The following GRID2 variants were observed in gnomAD, a reference collection of about 807,000 sequenced individuals.
GRID2 encodes the protein glutamate receptor ionotropic, delta-2.
Under a neutral mutation model 114.8 loss-of-function variants are expected in GRID2, and 33 were observed. That is an observed-to-expected ratio of 0.29 (90% CI 0.22 to 0.38). GRID2 has a LOEUF of 0.38. Ranked by LOEUF, GRID2 falls within the 10% of genes least tolerant of loss-of-function variation. The pLI is 1.00. For missense variants in GRID2, 1,184 were observed against 1,257.7 expected (o/e 0.94, Z 0.89); for synonymous variants, 505 against 449.9 (o/e 1.12, Z -1.55).
At chr4:92,955,459 C>T (rs1445830761) in intron 2 of GRID2, among the ~76,000 whole-genome samples, 8 of 151,090 alleles carry the variant, frequency 5.3e-5, no homozygotes, top group South Asian at 2.1e-4. Flanking sequence ...TTTTTGATGG[C>T]GTTGTTTGTT....
intron 13 of GRID2, among the ~76,000 whole-genome samples, chr4:93,554,724 C>T (rs1413306579): frequency 1.3e-5 from 2 of 152,164 alleles, no homozygotes; most frequent in Admixed American, 1.3e-4. Flanking sequence ...GCCTCAGCCT[C>T]AGTTATGACT....
chr4:93,435,008 T>C (rs1367264830), intron 10 of GRID2, among the ~76,000 whole-genome samples: 1 of 152,162 alleles, frequency 6.6e-6, no homozygotes, highest in Non-Finnish European at 1.5e-5. Flanking sequence ...AGGACTGCCA[T>C]TGCCACCCTC....
At chr4:92,806,166 G>GACACACACACACACACACACACAC (rs56070810) in intron 2 of GRID2, among the ~76,000 whole-genome samples, 1 of 133,258 alleles carries the variant, frequency 7.5e-6, no homozygotes, top group African/African-American at 2.8e-5. Context: ...ATAGGCTATC[G>GACACACACACACACACACACACAC]ACACACACAC....
intron 2 of GRID2, among the ~76,000 whole-genome samples, chr4:92,784,678 T>C (rs1369167): frequency 2.0e-5 from 3 of 151,724 alleles, no homozygotes; most frequent in Non-Finnish European, 2.9e-5. Flanking sequence ...GACAGTCTTA[T>C]AGTACTTAGA....
intron 1 of GRID2, among the ~76,000 whole-genome samples, chr4:92,439,758 A>G (rs1852460): frequency 1.4e-5 from 2 of 146,102 alleles, no homozygotes; most frequent in Admixed American, 1.4e-4. Flanking sequence ...ATCTGATGAG[A>G]GAGTGCCTAA....
intron 2 of GRID2, among the ~76,000 whole-genome samples, chr4:92,704,725 C>CTG (rs1418489260): frequency 7.5e-6 from 1 of 133,186 alleles, no homozygotes; most frequent in Non-Finnish European, 1.6e-5. Flanking sequence ...CTCTCTCTTT[C>CTG]TCTCTCTCTC....
chr4:93,391,215 C>T (rs1449058995), intron 8 of GRID2, among the ~76,000 whole-genome samples: 1 of 152,162 alleles, frequency 6.6e-6, no homozygotes, highest in African/African-American at 2.4e-5. Flanking sequence ...ATTACTGGCA[C>T]ACTGCATTCA....
At chr4:92,579,166 A>AT (rs200166188) in intron 1 of GRID2, among the ~76,000 whole-genome samples, 102 of 151,824 alleles carry the variant, frequency 6.7e-4, no homozygotes, top group African/African-American at 2.2e-3. Context: ...CTTTTATTTT[A>AT]TTTTTTTTAA....
chr4:93,223,219 A>C (rs1173456369), intron 6 of GRID2, among the ~76,000 whole-genome samples: 1 of 152,086 alleles, frequency 6.6e-6, no homozygotes, highest in African/African-American at 2.4e-5. Flanking sequence ...TATCAGGCAA[A>C]ATGGGGAGTG....
chr4:93,014,177 A>G (rs1026522349), intron 2 of GRID2, among the ~76,000 whole-genome samples: 2 of 152,088 alleles, frequency 1.3e-5, no homozygotes, highest in African/African-American at 4.8e-5. Context: ...ATGACAAAAT[A>G]CCACAGACTT....
chr4:93,130,632 T>A (rs931065251), intron 4 of GRID2, among the ~76,000 whole-genome samples: 2 of 152,204 alleles, frequency 1.3e-5, no homozygotes, highest in African/African-American at 4.8e-5. Flanking sequence ...GATACCTTTG[T>A]GAATTTTGGA....
At chr4:92,496,852 A>G (rs1024797232) in intron 1 of GRID2, among the ~76,000 whole-genome samples, 1 of 151,766 alleles carries the variant, frequency 6.6e-6, no homozygotes, top group Non-Finnish European at 1.5e-5. Context: ...TCCTCCAGAT[A>G]TCTTTTTCCA....
chr4:93,107,025 A>ACTG (rs1732301233), intron 3 of GRID2, among the ~76,000 whole-genome samples: 1 of 151,974 alleles, frequency 6.6e-6, no homozygotes, highest in African/African-American at 2.4e-5. Flanking sequence ...TTTTTCTGGG[A>ACTG]GTGGTGGCTT....
chr4:93,190,158 A>C (rs1740847753), intron 4 of GRID2, among the ~76,000 whole-genome samples: 3 of 152,108 alleles, frequency 2.0e-5, no homozygotes, highest in Non-Finnish European at 4.4e-5. Flanking sequence ...AAAATGTTTC[A>C]AGAAAGGGAA....
chr4:92,309,942 T>C (rs892288434), intron 1 of GRID2, among the ~76,000 whole-genome samples: 1 of 151,934 alleles, frequency 6.6e-6, no homozygotes, highest in Admixed American at 6.6e-5. Flanking sequence ...TATGGGATAC[T>C]TGAGGTCCCA....
At chr4:93,414,929 A>T (rs76908582) in intron 9 of GRID2, among the ~76,000 whole-genome samples, 1 of 152,010 alleles carries the variant, frequency 6.6e-6, no homozygotes, top group East Asian at 1.9e-4. Flanking sequence ...TTCAAGTTTT[A>T]TATGGTTTTT....
chr4:93,651,082 T>C (rs1722540791), intron 14 of GRID2, among the ~76,000 whole-genome samples: 1 of 152,154 alleles, frequency 6.6e-6, no homozygotes, highest in Admixed American at 6.6e-5. Flanking sequence ...AGGACACAGA[T>C]TCTGCATCAC....
chr4:92,558,352 A>C (rs1349625550), intron 1 of GRID2, among the ~76,000 whole-genome samples: 1 of 152,168 alleles, frequency 6.6e-6, no homozygotes, highest in Non-Finnish European at 1.5e-5. Context: ...CTTCAGTACT[A>C]TCCCATTCAC....
chr4:93,564,250 C>T (rs72670636), intron 13 of GRID2, among the ~76,000 whole-genome samples: 21,956 of 151,954 alleles, frequency 0.14, 3,148 homozygotes, highest in African/African-American at 0.37. Flanking sequence ...TGGCATTCTT[C>T]AAGGGACAAA....
Sources: allele counts gnomAD v4.1 joint callset (sites outside exome capture counted in the v4.1 genomes callset), GRCh38; gene constraint gnomAD v4.1.1; transcripts MANE v1.5; gene names NCBI Gene and HGNC (gene_info 2026-07-23, HGNC 2026-07-21).